ASAP1: variants seen among roughly 807,000 people sequenced by gnomAD.
ASAP1 encodes arf-GAP with SH3 domain, ANK repeat and PH domain-containing protein 1.
A neutral mutation model predicts 145.2 loss-of-function variants in ASAP1; 43 were observed. The observed-to-expected ratio is 0.30, with a 90% CI of 0.23 to 0.38. The LOEUF is 0.38. Among genes scored for constraint, ASAP1 ranks in the 10% least tolerant of loss-of-function variants. The pLI is 1.00. For missense variants in ASAP1, 1,018 were observed against 1,355.3 expected (o/e 0.75, Z 3.91); for synonymous variants, 546 against 515.5 (o/e 1.06, Z -0.80).
At chr8:130,299,536 C>T (rs1822494781) in intron 3 of ASAP1, among the ~76,000 whole-genome samples, 1 of 152,192 alleles carries the variant, frequency 6.6e-6, no homozygotes, top group Non-Finnish European at 1.5e-5. Context: ...TGCAGGCTGT[C>T]AGCTAGGAAA....
At chr8:130,362,865 A>G (rs1173336801) in intron 2 of ASAP1, among the ~76,000 whole-genome samples, 1 of 152,210 alleles carries the variant, frequency 6.6e-6, no homozygotes, top group Non-Finnish European at 1.5e-5. Context: ...AATAAAATAA[A>G]ATAGCCTATT....
At chr8:130,384,234 T>C (rs556087646) in intron 2 of ASAP1, among the ~76,000 whole-genome samples, 1 of 152,252 alleles carries the variant, frequency 6.6e-6, no homozygotes, top group East Asian at 1.9e-4. Context: ...GCCTCGCTGA[T>C]TAAAATAAAG....
chr8:130,180,073 G>A (rs1184325960), intron 8 of ASAP1, among the ~76,000 whole-genome samples: 1 of 149,636 alleles, frequency 6.7e-6, no homozygotes, highest in Non-Finnish European at 1.5e-5. Flanking sequence ...GAAGGGGAAG[G>A]GGAAGGGGGA....
intron 3 of ASAP1, among the ~76,000 whole-genome samples, chr8:130,346,901 G>C (rs1825733382): frequency 6.6e-6 from 1 of 152,164 alleles, no homozygotes; most frequent in Admixed American, 6.5e-5. Flanking sequence ...ACAAGGAAAA[G>C]GAAATGGGCA....
In ASAP1 at chr8:130,355,703, T is replaced by C. The variant is rs1326903503; in HGVS notation, c.186+2314A>G. 1.2e-4 allele frequency among the ~76,000 whole-genome samples: 19 copies of C among 152,214 alleles called. 1 individual carries two copies. The highest frequency in any genetic ancestry group is 2.6e-4 in the Non-Finnish European group (18 of 68,042). On this transcript the variant is annotated intron_variant, in intron 3 of 29. Transcript: ENST00000518721. ...GACCCACCTAAGATATTTATAATAA[T>C]GCACTACTTCCACATATGTAAGCAT...
chr8:130,161,590 C>T (rs2097669342), intron 11 of ASAP1, among the ~76,000 whole-genome samples: 1 of 152,138 alleles, frequency 6.6e-6, no homozygotes, highest in Admixed American at 6.5e-5. Context: ...GCTTACTGTA[C>T]ACTTAACCAG....
intron 3 of ASAP1, among the ~76,000 whole-genome samples, chr8:130,300,998 C>T (rs952449082): frequency 4.6e-5 from 7 of 152,110 alleles, no homozygotes; most frequent in Admixed American, 1.3e-4. Flanking sequence ...TAAATCAAAA[C>T]CTAGGCTGAC....
chr8:130,081,974 A>G (rs889475638), intron 25 of ASAP1, among the ~76,000 whole-genome samples: 6 of 152,216 alleles, frequency 3.9e-5, no homozygotes, highest in African/African-American at 9.6e-5. Context: ...AGTAAAGTCA[A>G]TTGCCCAAGG....
At chr8:130,143,859 C>T (rs1298034482) in intron 13 of ASAP1, among the ~76,000 whole-genome samples, 1 of 152,202 alleles carries the variant, frequency 6.6e-6, no homozygotes, top group African/African-American at 2.4e-5. Context: ...TAGCAGAAAA[C>T]AGCTGCTACT....
At chr8:130,366,586 A>G (rs1314788998) in intron 2 of ASAP1, among the ~76,000 whole-genome samples, 1 of 152,158 alleles carries the variant, frequency 6.6e-6, no homozygotes, top group Non-Finnish European at 1.5e-5. Context: ...AACAGTTATT[A>G]AGCAGCTTTA....
At chr8:130,325,255 A>C (rs1234919761) in intron 3 of ASAP1, among the ~76,000 whole-genome samples, 1 of 152,222 alleles carries the variant, frequency 6.6e-6, no homozygotes, top group Non-Finnish European at 1.5e-5. Flanking sequence ...AACAAATTGG[A>C]GAAAGAATTC....
chr8:130,171,963 G>A lies in ASAP1; in HGVS notation c.747-2896C>T, dbSNP rs189310925. 5.9e-5 allele frequency among the ~76,000 whole-genome samples: 9 copies of A among 152,322 alleles called. No homozygotes were observed. The East Asian group carries it at 1.7e-3, about 29-fold the overall frequency. On this transcript the variant is annotated intron_variant, in intron 9 of 29. Transcript: ENST00000518721. ...TCTGGAGAAAAGTTTTGAAGGTAGAGCATTTAAATTTAAGATGGATGTTGT... is the reference window on the plus strand; with the variant it reads ...TCTGGAGAAAAGTTTTGAAGGTAGAACATTTAAATTTAAGATGGATGTTGT...
chr8:130,233,677 C>T (rs72722399), intron 4 of ASAP1, among the ~76,000 whole-genome samples: 5,299 of 152,222 alleles, frequency 0.035, 127 homozygotes, highest in Middle Eastern at 0.065. Flanking sequence ...TCTTTTATAG[C>T]GCTTCCTAGT....
intron 12 of ASAP1, 70 bp from the exon 13 acceptor site, chr8:130,152,875 G>A (rs944327875): frequency 1.2e-5 from 13 of 1,129,040 alleles, no homozygotes; most frequent in Non-Finnish European, 1.6e-5. Context: ...GATACAGTAT[G>A]ATACATAATA....
intron 4 of ASAP1, among the ~76,000 whole-genome samples, chr8:130,225,236 T>C (rs1250804683): frequency 6.6e-6 from 1 of 152,226 alleles, no homozygotes; most frequent in Non-Finnish European, 1.5e-5. Context: ...AACTTGTTAG[T>C]GGTGTCCTTT....
chr8:130,085,129 G>A (rs2097489760), intron 25 of ASAP1, among the ~76,000 whole-genome samples: 2 of 152,178 alleles, frequency 1.3e-5, no homozygotes, highest in Admixed American at 6.5e-5. Context: ...GCCAAAGGAT[G>A]GAGGGCCAGG....
At position 130,058,005 on chromosome 8, in the gene ASAP1, G is replaced by C; in HGVS notation, c.3264C>G (p.Phe1088Leu). ...TGACGATAATCACTTCTCCCTCGAT[G>C]AATGTGAGCTCGTCATCGTTGTCTG... Reference protein sequence around the residue: ...CQADNDDELTFIEGEVIIVTG... With the variant: ...CQADNDDELTLIEGEVIIVTG... The change falls in exon 29 of 30, where the codon TTC (phenylalanine) becomes TTG (leucine). Residue 1088 changes from phenylalanine to leucine, a missense_variant. Phe to Leu is a conservative substitution (Grantham distance 22, BLOSUM62 0). Around this residue, in one of 9 missense-constraint regions of ASAP1, gnomAD observed 62 missense variants for 97.8 expected, o/e 0.63. Transcript: ENST00000518721. 1 of 1,614,236 alleles carries C rather than the reference G, an allele frequency of 6.2e-7. No individual in the cohort carries two copies. The highest frequency in any genetic ancestry group is 8.5e-7 in the Non-Finnish European group (1 of 1,180,034).
intron 2 of ASAP1, among the ~76,000 whole-genome samples, chr8:130,399,760 A>G (rs79260427): frequency 0.017 from 2,537 of 152,210 alleles, 55 homozygotes; most frequent in Admixed American, 0.065. Flanking sequence ...TGAAACATAA[A>G]TATTACCCCT....
At chr8:130,364,968 AC>A (rs1261089575) in intron 2 of ASAP1, among the ~76,000 whole-genome samples, 18 of 152,174 alleles carry the variant, frequency 1.2e-4, no homozygotes, top group Non-Finnish European at 1.3e-4. Flanking sequence ...AACACAAAAA[AC>A]AAATGCCAAA....
Sources: gnomAD v4.1 joint callset for allele counts (sites outside exome capture counted in the v4.1 genomes callset) on GRCh38, gnomAD v4.1.1 for gene constraint, gnomAD v4.1.1 regional missense constraint, MANE v1.5 for transcripts, NCBI Gene and HGNC (gene_info 2026-07-23, HGNC 2026-07-21) for gene names.